Variants in CBL observed in about 807,000 individuals in gnomAD.
CBL encodes the protein E3 ubiquitin-protein ligase CBL.
A neutral mutation model predicts 96.9 loss-of-function variants in CBL; 45 were observed. The ratio of observed to expected loss-of-function variants is 0.46; its 90% CI spans 0.37 to 0.60. The LOEUF (loss-of-function observed/expected upper bound fraction) is 0.60. CBL is among the 20% of genes least tolerant of loss of function. The pLI is 0.00. For synonymous variants in CBL, 420 were observed against 426.8 expected (o/e 0.98, Z 0.20); for missense variants, 1,024 against 1,143.5 (o/e 0.90, Z 1.51).
At chr11:119,217,262 A>G (rs1017394155) in intron 1 of CBL, among the ~76,000 whole-genome samples, 1 of 152,094 alleles carries the variant, frequency 6.6e-6, no homozygotes, top group Non-Finnish European at 1.5e-5. Context: ...GGTTACAGGC[A>G]TGTACCACAG....
chr11:119,288,810 G>T (rs1222409435), intron 12 of CBL, among the ~76,000 whole-genome samples: 1 of 152,140 alleles, frequency 6.6e-6, no homozygotes, highest in African/African-American at 2.4e-5. Context: ...GGATACAGAA[G>T]CCTGACTGTG....
In CBL at chr11:119,277,241, G is replaced by GCACACACACACACACACACACACA. The variant is rs59099916; in HGVS notation, c.1008-509_1008-486dup. Among the ~76,000 whole-genome samples the GCACACACACACACACACACACACA allele has an allele frequency of 5.5e-5, 8 of 146,496 alleles. No individual in the cohort carries two copies. In the East Asian group the frequency reaches 9.8e-4, roughly 18 times the overall value. ...CAAAAAAAAAATAAGAATCTGTCGC[G>GCACACACACACACACACACACACA]CACACACACACACACACACACACAC... On this transcript the variant is annotated intron_variant, in intron 6 of 15. Coordinates refer to ENST00000264033, the MANE Select transcript of CBL (RefSeq NM_005188.4).
Position 119,297,411 on chromosome 11 carries a change from T to C in CBL, c.2181T>C (p.Asp727=), listed in dbSNP as rs774816089. 1 of 1,613,866 alleles carries C rather than the reference T, an allele frequency of 6.2e-7. No homozygotes were observed. Among genetic ancestry groups the C allele is most frequent in the Non-Finnish European group, 8.5e-7 (1 of 1,179,866 alleles). The change falls in exon 14 of 16, where the codon GAT becomes GAC. Residue 727 remains aspartate, a synonymous_variant. Transcript: ENST00000264033. ...CATGTGATTGCGACCAGCAGATTGA[T>C]AGCTGTACGTATGAAGCAATGTATA... is the stretch of plus-strand genomic sequence containing the variant. ...SRACDCDQQI[D]SCTYEAMYNI...
chr11:119,294,441 T>G (rs115530842), intron 12 of CBL, among the ~76,000 whole-genome samples: 410 of 147,126 alleles, frequency 2.8e-3, no homozygotes, highest in African/African-American at 9.2e-3. Flanking sequence ...AAAAAAAAAT[T>G]ATTGCCTTTT....
chr11:119,260,407 C>T (rs1949746056), intron 2 of CBL, among the ~76,000 whole-genome samples: 1 of 151,900 alleles, frequency 6.6e-6, no homozygotes. Context: ...TCACGCCTGG[C>T]TAATTTTTGT....
chr11:119,237,938 C>T (rs987251836), intron 2 of CBL, among the ~76,000 whole-genome samples: 6 of 151,984 alleles, frequency 3.9e-5, no homozygotes, highest in African/African-American at 1.5e-4. Flanking sequence ...GTGGCGCCAT[C>T]TTGGCTCACT....
intron 2 of CBL, among the ~76,000 whole-genome samples, chr11:119,252,982 G>A (rs1369721164): frequency 3.3e-5 from 5 of 151,780 alleles, no homozygotes; most frequent in Non-Finnish European, 7.4e-5. Context: ...CATATTGTTG[G>A]TAGCATAGTT....
At chr11:119,279,615 G>T (rs975641881) in intron 9 of CBL, among the ~76,000 whole-genome samples, 3 of 152,128 alleles carry the variant, frequency 2.0e-5, no homozygotes, top group African/African-American at 7.2e-5. Context: ...TTGTACCACT[G>T]CACTCTAGGT....
chr11:119,263,027 A>G (rs1285209594), intron 2 of CBL, among the ~76,000 whole-genome samples: 4 of 152,234 alleles, frequency 2.6e-5, no homozygotes, highest in Admixed American at 2.6e-4. Context: ...AGATACGGTT[A>G]GTAATTCCTA....
At position 119,298,538 on chromosome 11, in the gene CBL, C is replaced by G; in HGVS notation, c.2432C>G (p.Thr811Arg). 3.1e-6 allele frequency: 5 copies of G among 1,613,986 alleles called. No homozygotes were observed. The highest frequency in any genetic ancestry group is 4.2e-6 in the Non-Finnish European group (5 of 1,179,834). The change falls in exon 15 of 16, where the codon ACA becomes AGA. Residue 811 changes from threonine to arginine, a missense_variant and splice_region_variant. Transcript: ENST00000264033. ...GWLSLDGDPTTNVTEGSQVPE... is the reference protein window; with the variant it reads ...GWLSLDGDPTRNVTEGSQVPE... ...TTGTCTCTGGATGGTGATCCTACAA[C>G]AAGTGAGTCTCCAGACTACTTTGGG...
chr11:119,228,814 CTTTT>C (rs945049098), intron 1 of CBL, among the ~76,000 whole-genome samples: 1 of 63,070 alleles, frequency 1.6e-5, no homozygotes, highest in Non-Finnish European at 2.9e-5. Flanking sequence ...CTCTCTCTCT[CTTTT>C]TTTTTTTTGG....
chr11:119,229,176 T>A (rs758649190), intron 1 of CBL, among the ~76,000 whole-genome samples: 1 of 152,198 alleles, frequency 6.6e-6, no homozygotes, highest in Non-Finnish European at 1.5e-5. Context: ...TTTTAATATT[T>A]TTGTTGTGAA....
Position 119,299,962 on chromosome 11 carries a change from ATGTTT to A in CBL, c.*183_*187del. ...GTGAAATGAAAATGGAGCAGCTAGT[ATGTTT>A]TATTATTTTATGGGTCTTGAGTGCA... On this transcript the variant is annotated 3_prime_UTR_variant, in exon 16 of 16. Transcript: ENST00000264033. 1.5e-6 allele frequency: 1 copy of A among 689,324 alleles called. No homozygotes were observed. 42.7% of individuals were successfully genotyped at this position (689,324 alleles called of 1,614,324 possible).
chr11:119,285,630 T>G (rs1723235860), intron 11 of CBL, 64 bp downstream of exon 11: 1 of 1,563,970 alleles, frequency 6.4e-7, no homozygotes, highest in South Asian at 1.1e-5. Context: ...GCACAGTGGC[T>G]CATGTCTGTA....
chr11:119,224,229 G>C (rs1049894048), intron 1 of CBL, among the ~76,000 whole-genome samples: 14 of 152,264 alleles, frequency 9.2e-5, no homozygotes, highest in African/African-American at 3.4e-4. Context: ...CATTGTGAGG[G>C]CTGATACATT....
At chr11:119,229,664 A>T (rs1463701534) in intron 1 of CBL, among the ~76,000 whole-genome samples, 2 of 152,180 alleles carry the variant, frequency 1.3e-5, no homozygotes, top group Non-Finnish European at 2.9e-5. Flanking sequence ...AGTTCAAGAA[A>T]TGTTGTATTG....
chr11:119,280,656 C>T (rs1267937489), intron 9 of CBL, among the ~76,000 whole-genome samples: 1 of 152,072 alleles, frequency 6.6e-6, no homozygotes, highest in Non-Finnish European at 1.5e-5. Context: ...GGTTCCCTGC[C>T]TCTGCCCCCT....
At chr11:119,209,975 G>A (rs942549626) in intron 1 of CBL, among the ~76,000 whole-genome samples, 1 of 152,234 alleles carries the variant, frequency 6.6e-6, no homozygotes, top group African/African-American at 2.4e-5. Context: ...CCAGGATATT[G>A]TAATAAACAT....
At chr11:119,260,547 T>TA (rs1949746834) in intron 2 of CBL, among the ~76,000 whole-genome samples, 1 of 152,190 alleles carries the variant, frequency 6.6e-6, no homozygotes, top group South Asian at 2.1e-4. Flanking sequence ...GAGAATTAGT[T>TA]AAATAACAAA....
Sources: gnomAD v4.1 joint callset for allele counts (sites outside exome capture counted in the v4.1 genomes callset) on GRCh38, gnomAD v4.1.1 for gene constraint, MANE v1.5 for transcripts, NCBI Gene and HGNC (gene_info 2026-07-23, HGNC 2026-07-21) for gene names.